CELF2: variants seen among roughly 807,000 people sequenced by gnomAD.
CELF2 encodes the protein CUG triplet repeat RNA-binding protein 2.
A neutral mutation model predicts 62.6 loss-of-function variants in CELF2; 8 were observed. The observed-to-expected ratio is 0.13, with a 90% CI of 0.07 to 0.23. CELF2 has a LOEUF of 0.23. Ranked by LOEUF, CELF2 falls within the 10% of genes least tolerant of loss-of-function variation. The pLI, the probability that CELF2 is intolerant of heterozygous loss-of-function variation, is 1.00. For missense variants in CELF2, 333 were observed against 671.0 expected, an observed-to-expected ratio of 0.50 and a Z score of 5.56; for synonymous variants, 258 against 250.0, an observed-to-expected ratio of 1.03 and a Z score of -0.30.
At chr10:10,477,228 C>T in the CELF2 span, among the ~76,000 whole-genome samples, 1 of 152,186 alleles carries the variant, frequency 6.6e-6, no homozygotes, top group South Asian at 2.1e-4. Flanking sequence ...GTTTCAGCTA[C>T]ATTTCTGCAG....
chr10:11,196,644 C>A (rs1016198573), intron 2 of CELF2, among the ~76,000 whole-genome samples: 1 of 150,866 alleles, frequency 6.6e-6, no homozygotes, highest in Non-Finnish European at 1.5e-5. Flanking sequence ...AAGACCCTCT[C>A]TCTTTAAAAA....
the CELF2 span, among the ~76,000 whole-genome samples, chr10:10,552,073 G>A: frequency 6.6e-6 from 1 of 152,166 alleles, no homozygotes; most frequent in Admixed American, 6.5e-5. Flanking sequence ...AACAAAAGAC[G>A]AGTGGGTGGT....
intron 2 of CELF2, among the ~76,000 whole-genome samples, chr10:10,968,809 A>G (rs1467309168): frequency 6.6e-6 from 1 of 152,206 alleles, no homozygotes; most frequent in Non-Finnish European, 1.5e-5. Context: ...AAGAATCCAT[A>G]GACTAAAGGT....
At chr10:10,901,286 T>C (rs1003953063) in intron 1 of CELF2, among the ~76,000 whole-genome samples, 1 of 152,186 alleles carries the variant, frequency 6.6e-6, no homozygotes, top group African/African-American at 2.4e-5. Flanking sequence ...CAAGTTGCAG[T>C]AATCAGGACA....
At chr10:11,121,564 C>G (rs2057741131) in intron 1 of CELF2, among the ~76,000 whole-genome samples, 1 of 152,166 alleles carries the variant, frequency 6.6e-6, no homozygotes, top group African/African-American at 2.4e-5. Flanking sequence ...TGAACAGAAA[C>G]AAATGGTTCA....
chr10:10,656,202 A>G, the CELF2 span, among the ~76,000 whole-genome samples: 7 of 149,654 alleles, frequency 4.7e-5, no homozygotes, highest in Non-Finnish European at 8.9e-5. Flanking sequence ...AATGACAATC[A>G]TTAAAAAGTC....
At chr10:10,724,655 C>CAAAAA in the CELF2 span, among the ~76,000 whole-genome samples, 65 of 80,950 alleles carry the variant, frequency 8.0e-4, 2 homozygotes, top group Middle Eastern at 0.022. Context: ...GACTCCGTCT[C>CAAAAA]AAAAAAAAAA....
At chr10:10,607,791 CA>C in the CELF2 span, among the ~76,000 whole-genome samples, 17 of 152,090 alleles carry the variant, frequency 1.1e-4, no homozygotes, top group Non-Finnish European at 4.4e-5. Context: ...TGTCTCCAAA[CA>C]AAACTTCTAA....
chr10:10,908,832 G>A (rs558270298), intron 1 of CELF2, among the ~76,000 whole-genome samples: 4 of 152,278 alleles, frequency 2.6e-5, no homozygotes, highest in Admixed American at 2.6e-4. Flanking sequence ...CTGTCACCCA[G>A]GCTAGAGTGC....
the CELF2 span, among the ~76,000 whole-genome samples, chr10:10,565,801 A>T: frequency 6.6e-6 from 1 of 152,214 alleles, no homozygotes; most frequent in Non-Finnish European, 1.5e-5. Flanking sequence ...CATTAGCTTC[A>T]TATTAAGGTA....
chr10:11,228,752 A>G (rs555948554), intron 3 of CELF2, among the ~76,000 whole-genome samples: 98 of 148,774 alleles, frequency 6.6e-4, no homozygotes, highest in Non-Finnish European at 1.1e-3. Context: ...AAAACTTGGA[A>G]CCACCATTTT....
chr10:11,319,239 T>C lies in CELF2; in HGVS notation c.1097-1950T>C. On this transcript the variant is annotated intron_variant, in intron 10 of 12. Coordinates refer to ENST00000633077, the MANE Select transcript of CELF2 (RefSeq NM_001326342.2). The surrounding 1 kb of genome is among the most constrained non-coding windows in gnomAD (Gnocchi z 4.4). ...GCCAAAGTGAGACCAACAGAATTTATCAGCAGCGTCCAGCCCTTCCCGAGT... is the reference window on the plus strand; with the variant it reads ...GCCAAAGTGAGACCAACAGAATTTACCAGCAGCGTCCAGCCCTTCCCGAGT... The C allele has an allele frequency of 2.6e-6, 1 of 391,184 alleles. No individual in the cohort carries two copies. The allele number at this position is 391,184 out of a possible 1,614,324, so 24.2% of individuals were successfully genotyped here. A position where few individuals can be genotyped will look rare whatever the true frequency, so the allele number is the denominator to read the frequency against.
chr10:11,059,944 T>C (rs11256962), intron 1 of CELF2, among the ~76,000 whole-genome samples: 9,729 of 152,294 alleles, frequency 0.064, 1,057 homozygotes, highest in African/African-American at 0.22. Context: ...GAATAGATGC[T>C]CAAAAGCCGT....
chr10:10,550,990 G>A, the CELF2 span, among the ~76,000 whole-genome samples: 1,104 of 152,256 alleles, frequency 7.3e-3, 24 homozygotes, highest in South Asian at 0.037. Flanking sequence ...GAGCCACCAC[G>A]CCCAGCTGCC....
chr10:10,880,115 G>A (rs1473520984), intron 1 of CELF2, among the ~76,000 whole-genome samples: 1 of 152,130 alleles, frequency 6.6e-6, no homozygotes, highest in Non-Finnish European at 1.5e-5. Context: ...GTAAGTCTAG[G>A]AATAACTAAA....
chr10:10,522,573 A>G, the CELF2 span, among the ~76,000 whole-genome samples: 2 of 152,020 alleles, frequency 1.3e-5, no homozygotes, highest in Admixed American at 6.6e-5. Flanking sequence ...TGTTGTTGTT[A>G]TTATTTATTT....
chr10:10,849,348 A>G (rs761675468), intron 1 of CELF2, among the ~76,000 whole-genome samples: 1 of 152,126 alleles, frequency 6.6e-6, no homozygotes, highest in Non-Finnish European at 1.5e-5. Flanking sequence ...CAGAGGTTGC[A>G]GTGAGCAGAG....
intron 2 of CELF2, among the ~76,000 whole-genome samples, chr10:11,198,329 G>C (rs536219328): frequency 6.6e-6 from 1 of 152,312 alleles, no homozygotes; most frequent in South Asian, 2.1e-4. Flanking sequence ...TTCCCAAATT[G>C]GGTAGTTCTA....
chr10:10,528,736 A>G, the CELF2 span, among the ~76,000 whole-genome samples: 1 of 152,246 alleles, frequency 6.6e-6, no homozygotes, highest in Non-Finnish European at 1.5e-5. Context: ...TCACCAAATA[A>G]GTGAAAGGAG....
Sources: gnomAD v4.1 joint callset for allele counts (sites outside exome capture counted in the v4.1 genomes callset) on GRCh38, gnomAD v4.1.1 for gene constraint, Gnocchi (gnomAD v3.1) non-coding constraint, MANE v1.5 for transcripts, NCBI Gene and HGNC (gene_info 2026-07-23, HGNC 2026-07-21) for gene names.